Variants in MACROD2 observed in about 807,000 individuals in gnomAD.
The protein encoded by MACROD2 is ADP-ribose glycohydrolase MACROD2.
MACROD2 carries 36 observed loss-of-function variants against 70.4 expected under a neutral mutation model. The ratio of observed to expected loss-of-function variants is 0.51; its 90% CI spans 0.39 to 0.68. The LOEUF is 0.68. Ranked by LOEUF, MACROD2 falls within the 30% of genes least tolerant of loss-of-function variation. MACROD2 has a pLI of 0.00. For synonymous variants in MACROD2, 172 were observed against 178.8 expected, an observed-to-expected ratio of 0.96 and a Z score of 0.30; for missense variants, 496 against 538.4, an observed-to-expected ratio of 0.92 and a Z score of 0.78.
intron 3 of MACROD2, among the ~76,000 whole-genome samples, chr20:14,170,509 G>C (rs1223811557): frequency 1.3e-5 from 2 of 151,736 alleles, no homozygotes; most frequent in African/African-American, 4.8e-5. Flanking sequence ...ATTATGTTAA[G>C]GTATGTTTCT....
At chr20:14,242,402 A>T (rs1187431649) in intron 3 of MACROD2, among the ~76,000 whole-genome samples, 1 of 152,182 alleles carries the variant, frequency 6.6e-6, no homozygotes, top group African/African-American at 2.4e-5. Context: ...GCATTTAGGT[A>T]ATATTAGATC....
chr20:15,986,961 GAAGGGGGAAAA>G, intron 14 of MACROD2, 94 bp from the exon 15 acceptor site: 1 of 1,186,918 alleles, frequency 8.4e-7, no homozygotes, highest in Middle Eastern at 2.0e-4. Context: ...ATTGAAACTT[GAAGGGGGAAAA>G]AAGAACTCTA....
Position 14,022,372 on chromosome 20 carries a change from G to A in MACROD2, c.163+19968G>A, listed in dbSNP as rs115879356. Among the ~76,000 whole-genome samples, 1,287 of 150,598 alleles carry A rather than the reference G, an allele frequency of 8.5e-3. 26 individuals are homozygous for A. The highest frequency in any genetic ancestry group is 0.032 in the Middle Eastern group (9 of 284). On this transcript the variant is annotated intron_variant, in intron 2 of 17. Coordinates refer to ENST00000684519, the MANE Select transcript of MACROD2 (RefSeq NM_001351661.2). ...TATCATGTATCATCTTTGAACATAC[G>A]TTGAAAGTATAAGTGAAATAAATTG...
chr20:15,124,323 TTTTAAGCCTATATA>T (rs1254146457), intron 5 of MACROD2, among the ~76,000 whole-genome samples: 1 of 150,420 alleles, frequency 6.6e-6, no homozygotes, highest in African/African-American at 2.4e-5. Flanking sequence ...TTCTTTAAAC[TTTTAAGCCTATATA>T]TTTAATTTCC....
chr20:14,163,002 G>A (rs760085994), intron 3 of MACROD2, among the ~76,000 whole-genome samples: 1 of 151,898 alleles, frequency 6.6e-6, no homozygotes, highest in Non-Finnish European at 1.5e-5. Flanking sequence ...TTCTGTAGAG[G>A]TAATATTTGA....
intron 4 of MACROD2, among the ~76,000 whole-genome samples, chr20:14,662,655 C>A (rs1195416019): frequency 6.6e-6 from 1 of 151,500 alleles, no homozygotes; most frequent in Non-Finnish European, 1.5e-5. Context: ...AAAAACAACC[C>A]CATTACAAAT....
At chr20:15,511,448 G>C (rs1028826072) in intron 8 of MACROD2, among the ~76,000 whole-genome samples, 7 of 152,132 alleles carry the variant, frequency 4.6e-5, no homozygotes, top group Non-Finnish European at 7.4e-5. Context: ...TGATCATGGG[G>C]TCTTTAAAAA....
intron 3 of MACROD2, among the ~76,000 whole-genome samples, chr20:14,364,193 A>G (rs1055866078): frequency 2.6e-5 from 4 of 152,198 alleles, no homozygotes; most frequent in Admixed American, 2.0e-4. Flanking sequence ...AGAGGTCCAC[A>G]TTAGGGACCA....
In MACROD2 at chr20:14,862,144, T is replaced by TATACATAAATATATAAATATATATA. The variant is rs1380581678; in HGVS notation, c.418+177187_418+177211dup. ...ATATATAATATATATAAATATATATTATACATAAATATATAAATATATATA... is the reference window on the plus strand; with the variant it reads ...ATATATAATATATATAAATATATATTATACATAAATATATAAATATATATAATACATAAATATATAAATATATATA... On this transcript the variant is annotated intron_variant, in intron 5 of 17. Coordinates refer to ENST00000684519, the MANE Select transcript of MACROD2 (RefSeq NM_001351661.2). Among the ~76,000 whole-genome samples the TATACATAAATATATAAATATATATA allele has an allele frequency of 1.7e-3, 61 of 35,588 alleles. 2 individuals carry two copies. Among genetic ancestry groups the TATACATAAATATATAAATATATATA allele is most frequent in the African/African-American group, 6.9e-3 (60 of 8,640 alleles). 23.3% of individuals were successfully genotyped at this position (35,588 alleles called of 152,430 possible).
chr20:14,396,475 G>A (rs1336976795), intron 3 of MACROD2, among the ~76,000 whole-genome samples: 1 of 151,980 alleles, frequency 6.6e-6, no homozygotes, highest in Non-Finnish European at 1.5e-5. Flanking sequence ...TTTATTCTTG[G>A]TAATATCATT....
At chr20:15,242,757 T>A (rs1171044384) in intron 6 of MACROD2, among the ~76,000 whole-genome samples, 3 of 152,192 alleles carry the variant, frequency 2.0e-5, no homozygotes, top group Non-Finnish European at 4.4e-5. Context: ...TGCATTTTGG[T>A]TTTTAAATTA....
At chr20:15,030,406 C>CTTT (rs2075265523) in intron 5 of MACROD2, among the ~76,000 whole-genome samples, 1 of 152,132 alleles carries the variant, frequency 6.6e-6, no homozygotes, top group East Asian at 1.9e-4. Flanking sequence ...TGGTGAGCTA[C>CTTT]TTTTGGGAGT....
intron 3 of MACROD2, among the ~76,000 whole-genome samples, chr20:14,298,365 C>T (rs988547634): frequency 1.1e-4 from 17 of 151,630 alleles, no homozygotes; most frequent in Middle Eastern, 3.2e-3. Flanking sequence ...GTCAGGAGTT[C>T]GAGACCAGCC....
chr20:14,430,332 G>A (rs1388426941), intron 3 of MACROD2, among the ~76,000 whole-genome samples: 1 of 152,120 alleles, frequency 6.6e-6, no homozygotes, highest in Admixed American at 6.6e-5. Context: ...AAAAGAGATC[G>A]AAGATGAGGG....
At chr20:15,823,602 G>A (rs572078019) in intron 8 of MACROD2, among the ~76,000 whole-genome samples, 6 of 152,250 alleles carry the variant, frequency 3.9e-5, no homozygotes, top group East Asian at 3.9e-4. Flanking sequence ...TCATCACGGC[G>A]TTCGTAAGTT....
chr20:14,013,273 CTTTT>C (rs770856375), intron 2 of MACROD2, among the ~76,000 whole-genome samples: 2 of 128,710 alleles, frequency 1.6e-5, no homozygotes, highest in Non-Finnish European at 1.6e-5. Context: ...ACTGTACTTT[CTTTT>C]TTTTTTTTTT....
chr20:15,880,111 A>G (rs781704745), intron 9 of MACROD2, among the ~76,000 whole-genome samples: 1 of 152,056 alleles, frequency 6.6e-6, no homozygotes, highest in South Asian at 2.1e-4. Context: ...AATCTCATTC[A>G]GAAACACTCA....
chr20:15,774,720 T>C (rs551624576), intron 8 of MACROD2, among the ~76,000 whole-genome samples: 94 of 152,182 alleles, frequency 6.2e-4, no homozygotes, highest in African/African-American at 2.2e-3. Context: ...AAAGATCTGC[T>C]AGGAGAATCG....
Position 15,980,276 on chromosome 20 carries a change from T to C in MACROD2, c.986-6451T>C, listed in dbSNP as rs576745154. 3.9e-5 allele frequency among the ~76,000 whole-genome samples: 6 copies of C among 152,330 alleles called. No individual in the cohort carries two copies. In the East Asian group the frequency reaches 1.2e-3, roughly 29 times the overall value. ...CTGCCTGTCTTTGATTTTACTTCCT[T>C]GTTTTTTTCTTAAAACAGGTACTGA... is the stretch of plus-strand genomic sequence containing the variant. On this transcript the variant is annotated intron_variant, in intron 13 of 17. Coordinates refer to ENST00000684519, the MANE Select transcript of MACROD2 (RefSeq NM_001351661.2).
Sources: gnomAD v4.1 joint callset for allele counts (sites outside exome capture counted in the v4.1 genomes callset) on GRCh38, gnomAD v4.1.1 for gene constraint, MANE v1.5 for transcripts, NCBI Gene and HGNC (gene_info 2026-07-23, HGNC 2026-07-21) for gene names.